Variants in IQCM observed in about 807,000 individuals in gnomAD.
IQCM encodes the protein IQ domain-containing protein M.
Under a neutral mutation model 57.6 loss-of-function variants are expected in IQCM, and 45 were observed. The observed-to-expected ratio is 0.78, with a 90% CI of 0.62 to 1.00. The LOEUF (loss-of-function observed/expected upper bound fraction) is 1.00, where lower values mean the gene tolerates loss of function less well. Ranked by LOEUF, IQCM falls within the 50% of genes least tolerant of loss-of-function variation. IQCM has a pLI of 0.00. For synonymous variants in IQCM, 148 were observed against 158.9 expected (o/e 0.93, Z 0.51); for missense variants, 468 against 511.6 (o/e 0.91, Z 0.82).
intron 8 of IQCM, among the ~76,000 whole-genome samples, chr4:149,612,413 T>C (rs922427034): frequency 5.3e-5 from 8 of 152,182 alleles, no homozygotes; most frequent in African/African-American, 1.7e-4. Flanking sequence ...CTCATTTACA[T>C]ATTTCTGAGG....
intron 12 of IQCM, among the ~76,000 whole-genome samples, chr4:149,438,892 C>T (rs1409011315): frequency 6.6e-6 from 1 of 152,050 alleles, no homozygotes. Flanking sequence ...CCACCTATCT[C>T]ATATTACAAT....
chr4:149,728,549 GA>G (rs1766171070), intron 5 of IQCM, among the ~76,000 whole-genome samples: 1 of 152,064 alleles, frequency 6.6e-6, no homozygotes, highest in Non-Finnish European at 1.5e-5. Context: ...TAAGAATATT[GA>G]AAAGAAGTCC....
At chr4:149,451,819 A>T (rs1737152912) in intron 12 of IQCM, among the ~76,000 whole-genome samples, 1 of 151,752 alleles carries the variant, frequency 6.6e-6, no homozygotes, top group African/African-American at 2.4e-5. Context: ...TTTCCTCTCA[A>T]ATTCAGTAAC....
At chr4:149,726,144 G>GAAAGAAAGAAAGAAAGAAAGA (rs1765922767) in intron 5 of IQCM, among the ~76,000 whole-genome samples, 1 of 127,666 alleles carries the variant, frequency 7.8e-6, no homozygotes, top group African/African-American at 3.3e-5. Context: ...AGAAAGAAAA[G>GAAAGAAAGAAAGAAAGAAAGA]AAAGAAAGAA....
intron 12 of IQCM, among the ~76,000 whole-genome samples, chr4:149,534,534 A>G (rs143224497): frequency 7.9e-5 from 12 of 152,256 alleles, no homozygotes; most frequent in Non-Finnish European, 1.8e-4. Context: ...AGCCAAAAGG[A>G]TGTTTGGACC....
At chr4:149,374,967 TTGTGTGTG>T (rs145080282) in intron 13 of IQCM, among the ~76,000 whole-genome samples, 4 of 125,306 alleles carry the variant, frequency 3.2e-5, no homozygotes, top group African/African-American at 1.1e-4. Context: ...CACACTTTCT[TTGTGTGTG>T]TGTGTGTGTG....
intron 8 of IQCM, among the ~76,000 whole-genome samples, chr4:149,608,415 C>G (rs1754985771): frequency 6.6e-6 from 1 of 151,898 alleles, no homozygotes; most frequent in South Asian, 2.1e-4. Context: ...ACCAAATGAA[C>G]TGAATAGATA....
intron 12 of IQCM, among the ~76,000 whole-genome samples, chr4:149,470,859 T>G (rs545417307): frequency 6.6e-6 from 1 of 152,206 alleles, no homozygotes; most frequent in Non-Finnish European, 1.5e-5. Context: ...AACTTACTCC[T>G]GAATGACTAC....
chr4:149,403,468 G>A (rs1028990558), intron 13 of IQCM, among the ~76,000 whole-genome samples: 5 of 151,990 alleles, frequency 3.3e-5, no homozygotes, highest in Non-Finnish European at 5.9e-5. Context: ...ATTATCCATC[G>A]TAAAGATGCT....
chr4:149,792,766 A>G (rs117362625), intron 2 of IQCM, among the ~76,000 whole-genome samples: 1,750 of 152,290 alleles, frequency 0.011, 102 homozygotes, highest in Admixed American at 0.097. Flanking sequence ...CAGATATTAG[A>G]AAAGCAAACA....
At chr4:149,697,107 C>A (rs149657405) in intron 5 of IQCM, among the ~76,000 whole-genome samples, 2 of 152,248 alleles carry the variant, frequency 1.3e-5, no homozygotes, top group African/African-American at 4.8e-5. Flanking sequence ...CTTTCTACCA[C>A]TCTTAAATAA....
At chr4:149,598,945 A>G (rs1754020369) in intron 8 of IQCM, among the ~76,000 whole-genome samples, 1 of 152,102 alleles carries the variant, frequency 6.6e-6, no homozygotes, top group Non-Finnish European at 1.5e-5. Context: ...GTAATCAATA[A>G]TCAGTTATAG....
chr4:149,720,870 C>G (rs565110439), intron 5 of IQCM, among the ~76,000 whole-genome samples: 3 of 152,072 alleles, frequency 2.0e-5, no homozygotes, highest in Admixed American at 1.3e-4. Flanking sequence ...TTTCAAATTC[C>G]AAGACTTCAA....
chr4:149,379,884 T>C (rs886141441), intron 13 of IQCM, among the ~76,000 whole-genome samples: 1 of 152,080 alleles, frequency 6.6e-6, no homozygotes, highest in African/African-American at 2.4e-5. Flanking sequence ...CATAATTCCC[T>C]TGAGTTGTGG....
At chr4:149,564,639 C>T (rs1243344059) in intron 9 of IQCM, among the ~76,000 whole-genome samples, 1 of 152,136 alleles carries the variant, frequency 6.6e-6, no homozygotes, top group Non-Finnish European at 1.5e-5. Context: ...TGTGAAAAGA[C>T]AGACTGGCCT....
chr4:149,456,616 C>T (rs1355640328), intron 12 of IQCM, among the ~76,000 whole-genome samples: 1 of 152,014 alleles, frequency 6.6e-6, no homozygotes, highest in Non-Finnish European at 1.5e-5. Context: ...TAGTGTCATG[C>T]AAGATCTCAA....
chr4:149,473,576 A>G (rs1739831313), intron 12 of IQCM, among the ~76,000 whole-genome samples: 1 of 152,236 alleles, frequency 6.6e-6, no homozygotes, highest in Non-Finnish European at 1.5e-5. Flanking sequence ...GTGATTCCTC[A>G]AAGATCTAGA....
At chr4:149,640,917 G>T (rs1468131696) in intron 7 of IQCM, among the ~76,000 whole-genome samples, 2 of 152,126 alleles carry the variant, frequency 1.3e-5, no homozygotes, top group Admixed American at 6.5e-5. Context: ...ATCATCTAAG[G>T]TCAGGAGTTC....
intron 12 of IQCM, among the ~76,000 whole-genome samples, chr4:149,511,630 T>C (rs1230857695): frequency 6.6e-6 from 1 of 152,050 alleles, no homozygotes; most frequent in Non-Finnish European, 1.5e-5. Context: ...TGGTGACATA[T>C]CTCTGTGCTC....
Sources: gnomAD v4.1 joint callset for allele counts (sites outside exome capture counted in the v4.1 genomes callset) on GRCh38, gnomAD v4.1.1 for gene constraint, MANE v1.5 for transcripts, NCBI Gene and HGNC (gene_info 2026-07-23, HGNC 2026-07-21) for gene names.